Variants in PTPRD observed in about 807,000 individuals in gnomAD.
PTPRD encodes the protein receptor-type tyrosine-protein phosphatase delta.
A neutral mutation model predicts 214.5 loss-of-function variants in PTPRD; 34 were observed. The ratio of observed to expected loss-of-function variants is 0.16; its 90% CI spans 0.12 to 0.21. PTPRD has a LOEUF of 0.21. Ranked by LOEUF, PTPRD falls within the 10% of genes least tolerant of loss-of-function variation. The pLI, the probability that PTPRD is intolerant of heterozygous loss-of-function variation, is 1.00. For synonymous variants in PTPRD, 1,128 were observed against 845.7 expected (o/e 1.33, Z -5.79); for missense variants, 2,545 against 2,398.7 (o/e 1.06, Z -1.27).
At chr9:9,850,155 G>A (rs577079817) in intron 5 of PTPRD, among the ~76,000 whole-genome samples, 1 of 151,984 alleles carries the variant, frequency 6.6e-6, no homozygotes, top group Non-Finnish European at 1.5e-5. Context: ...CCACTGAAAG[G>A]TATTTATTTC....
chr9:9,725,566 T>G (rs1017110962), intron 7 of PTPRD, among the ~76,000 whole-genome samples: 3 of 152,176 alleles, frequency 2.0e-5, no homozygotes, highest in Admixed American at 2.0e-4. Flanking sequence ...ATTCAGGGCT[T>G]GCTTAATAAG....
chr9:8,844,783 C>G (rs182021137), intron 11 of PTPRD, among the ~76,000 whole-genome samples: 1 of 152,302 alleles, frequency 6.6e-6, no homozygotes, highest in East Asian at 1.9e-4. Context: ...AACTGTGGAG[C>G]AAAGTGAAGT....
intron 37 of PTPRD, among the ~76,000 whole-genome samples, chr9:8,377,231 T>C (rs143473088): frequency 6.6e-6 from 1 of 152,236 alleles, no homozygotes; most frequent in East Asian, 1.9e-4. Flanking sequence ...TGTGCTTTTT[T>C]TTTGAACACA....
At chr9:8,662,222 C>A (rs2097073813) in intron 12 of PTPRD, among the ~76,000 whole-genome samples, 1 of 152,094 alleles carries the variant, frequency 6.6e-6, no homozygotes, top group Non-Finnish European at 1.5e-5. Context: ...ATGAAGAGCA[C>A]CGAGGTTCAA....
At chr9:8,825,967 T>G (rs1441317574) in intron 11 of PTPRD, among the ~76,000 whole-genome samples, 1 of 152,160 alleles carries the variant, frequency 6.6e-6, no homozygotes, top group Non-Finnish European at 1.5e-5. Context: ...ATGGCCTGTA[T>G]TTTGTACTGA....
At chr9:9,460,761 T>C (rs191302788) in intron 8 of PTPRD, among the ~76,000 whole-genome samples, 3 of 152,122 alleles carry the variant, frequency 2.0e-5, no homozygotes, top group African/African-American at 2.4e-5. Context: ...GAAAACAATA[T>C]GGATGATTCT....
intron 7 of PTPRD, among the ~76,000 whole-genome samples, chr9:9,638,315 ACTT>A (rs1295905938): frequency 6.6e-6 from 1 of 152,160 alleles, no homozygotes; most frequent in African/African-American, 2.4e-5. Flanking sequence ...GCTGCTAGAG[ACTT>A]CTTCTGCCAA....
intron 2 of PTPRD, among the ~76,000 whole-genome samples, chr9:10,551,036 T>C (rs766328542): frequency 3.9e-5 from 6 of 152,188 alleles, no homozygotes; most frequent in Non-Finnish European, 7.3e-5. Flanking sequence ...AACTCTGTCA[T>C]TAAAATTACA....
At chr9:10,048,900 G>A (rs962624058) in intron 3 of PTPRD, among the ~76,000 whole-genome samples, 1 of 152,018 alleles carries the variant, frequency 6.6e-6, no homozygotes, top group African/African-American at 2.4e-5. Context: ...AGAAAGAGCA[G>A]AAAGGTGGTG....
intron 9 of PTPRD, among the ~76,000 whole-genome samples, chr9:9,202,259 C>A (rs1378227833): frequency 6.6e-6 from 1 of 152,158 alleles, no homozygotes; most frequent in Non-Finnish European, 1.5e-5. Context: ...ATTGTCAGAT[C>A]TATTGCAGTC....
At chr9:9,403,843 A>G (rs1015353928) in intron 8 of PTPRD, among the ~76,000 whole-genome samples, 1 of 152,096 alleles carries the variant, frequency 6.6e-6, no homozygotes, top group Non-Finnish European at 1.5e-5. Context: ...GAAAGACCAT[A>G]CACAGCTAAA....
chr9:9,446,585 T>C (rs2090484506), intron 8 of PTPRD, among the ~76,000 whole-genome samples: 3 of 152,226 alleles, frequency 2.0e-5, no homozygotes, highest in Non-Finnish European at 4.4e-5. Flanking sequence ...GAGGGCACAT[T>C]ATTGAGCACC....
chr9:8,425,213 C>G (rs180784029), intron 35 of PTPRD, among the ~76,000 whole-genome samples: 1 of 152,298 alleles, frequency 6.6e-6, no homozygotes, highest in East Asian at 1.9e-4. Context: ...GTTCCAATCT[C>G]TTCTTGCAGC....
intron 39 of PTPRD, among the ~76,000 whole-genome samples, chr9:8,344,836 C>G (rs1046566289): frequency 5.9e-5 from 9 of 151,822 alleles, no homozygotes; most frequent in African/African-American, 1.9e-4. Flanking sequence ...ACAGTTAACT[C>G]TTATTAACGT....
At chr9:10,558,956 A>C (rs1471300163) in intron 2 of PTPRD, among the ~76,000 whole-genome samples, 1 of 152,200 alleles carries the variant, frequency 6.6e-6, no homozygotes, top group Non-Finnish European at 1.5e-5. Context: ...GGAAAAACTG[A>C]TCACCTTTAC....
chr9:9,187,235 A>G (rs2044361), intron 9 of PTPRD, among the ~76,000 whole-genome samples: 59,374 of 151,784 alleles, frequency 0.39, 11,891 homozygotes, highest in Non-Finnish European at 0.44. Context: ...GACTTTTTAA[A>G]GTAGCTTAAA....
At chr9:9,317,337 C>T (rs1963801417) in intron 9 of PTPRD, among the ~76,000 whole-genome samples, 1 of 152,138 alleles carries the variant, frequency 6.6e-6, no homozygotes, top group South Asian at 2.1e-4. Context: ...ATCTCTTTTC[C>T]CTTGGAAGTT....
chr9:9,738,787 T>C (rs2098347806), intron 6 of PTPRD, among the ~76,000 whole-genome samples: 1 of 152,182 alleles, frequency 6.6e-6, no homozygotes, highest in African/African-American at 2.4e-5. Flanking sequence ...TGTTGAGTTC[T>C]AAGTGATCTC....
chr9:9,303,151 A>G (rs1277702931), intron 9 of PTPRD, among the ~76,000 whole-genome samples: 1 of 152,054 alleles, frequency 6.6e-6, no homozygotes, highest in Non-Finnish European at 1.5e-5. Flanking sequence ...GAATGAAGCC[A>G]AACTACAACA....
Sources: allele counts gnomAD v4.1 joint callset (sites outside exome capture counted in the v4.1 genomes callset), GRCh38; gene constraint gnomAD v4.1.1; transcripts MANE v1.5; gene names NCBI Gene and HGNC (gene_info 2026-07-23, HGNC 2026-07-21).